TXK: variants seen among roughly 807,000 people sequenced by gnomAD.
TXK encodes tyrosine-protein kinase TXK.
TXK carries 60 observed loss-of-function variants against 81.0 expected under a neutral mutation model. That is an observed-to-expected ratio of 0.74 (90% CI 0.60 to 0.92). The LOEUF (loss-of-function observed/expected upper bound fraction) is 0.92. TXK is among the 40% of genes least tolerant of loss of function. The probability of loss-of-function intolerance (pLI) is 0.00; values close to 1 mark genes in which losing one functional copy is unlikely to be tolerated. For missense variants in TXK, 581 were observed against 638.3 expected (o/e 0.91, Z 0.97); for synonymous variants, 203 against 210.7 (o/e 0.96, Z 0.32).
intron 12 of TXK, among the ~76,000 whole-genome samples, chr4:48,075,868 G>A (rs1265420485): frequency 6.6e-6 from 1 of 152,008 alleles, no homozygotes. Context: ...GGAAGCTAGA[G>A]AGAAACCCCA....
At chr4:48,118,987 C>T (rs991012452) in intron 1 of TXK, among the ~76,000 whole-genome samples, 5 of 152,180 alleles carry the variant, frequency 3.3e-5, no homozygotes, top group Admixed American at 6.5e-5. Context: ...AGTACTGGAA[C>T]TGTCACCATC....
intron 4 of TXK, among the ~76,000 whole-genome samples, chr4:48,111,077 C>T (rs950993803): frequency 4.6e-5 from 7 of 152,134 alleles, no homozygotes; most frequent in East Asian, 1.9e-4. Context: ...ATAGCAAAGA[C>T]GGGAATTGCT....
At chr4:48,107,481 G>A (rs946679931) in intron 5 of TXK, among the ~76,000 whole-genome samples, 1 of 150,778 alleles carries the variant, frequency 6.6e-6, no homozygotes, top group African/African-American at 2.4e-5. Flanking sequence ...TACATCCCCT[G>A]CCCTGTTTTC....
chr4:48,067,882 G>A (rs1716672630), intron 14 of TXK, among the ~76,000 whole-genome samples, 177 bp from the exon 15 acceptor site: 1 of 152,152 alleles, frequency 6.6e-6, no homozygotes, highest in African/African-American at 2.4e-5. Flanking sequence ...GCATAAATAG[G>A]CTAAGGATCA....
In TXK at chr4:48,103,783, A is replaced by C. The variant is rs1396751461; in HGVS notation, c.501+1118T>G. Among the ~76,000 whole-genome samples, 7 of 152,212 alleles carry C rather than the reference A, an allele frequency of 4.6e-5. No homozygotes were observed. The East Asian group carries it at 1.3e-3, about 29-fold the overall frequency. On this transcript the variant is annotated intron_variant, in intron 6 of 14. Transcript: ENST00000264316. The stretch of plus-strand genomic sequence containing the variant: ...TCTACTCTTTCCTTTGTTTCCAAAG[A>C]ACAAAGAAACTGCAGCAGCATGTAT...
intron 6 of TXK, among the ~76,000 whole-genome samples, chr4:48,103,156 C>T (rs962970199): frequency 3.9e-5 from 6 of 152,136 alleles, no homozygotes; most frequent in African/African-American, 1.2e-4. Context: ...AGACCCTTGC[C>T]TTGTCTGGCT....
In TXK at chr4:48,079,902, C is replaced by T; in HGVS notation, c.1173+10G>A. ...TACAAAAAAAAAAAGTAAATTTGCA[C>T]CATACTTACCAAATCCCTATGAATA... On this transcript the variant is annotated intron_variant, in intron 11 of 14. Transcript: ENST00000264316. 3.7e-6 allele frequency: 6 copies of T among 1,602,460 alleles called. No individual in the cohort carries two copies. The highest frequency in any genetic ancestry group is 1.3e-5 in the African/African-American group (1 of 74,670).
At chr4:48,108,057 C>T (rs532045523) in intron 5 of TXK, among the ~76,000 whole-genome samples, 9 of 151,818 alleles carry the variant, frequency 5.9e-5, no homozygotes, top group South Asian at 2.1e-4. Flanking sequence ...GGTGACAGAG[C>T]GAGACTCTGT....
At position 48,094,414 on chromosome 4, in the gene TXK, C is replaced by A. The variant is rs541239306; in HGVS notation, c.582-210G>T. 3.9e-5 allele frequency among the ~76,000 whole-genome samples: 6 copies of A among 152,212 alleles called. 1 individual carries two copies. In the East Asian group the frequency reaches 7.7e-4, roughly 20 times the overall value. On this transcript the variant is annotated intron_variant, in intron 7 of 14. Coordinates refer to ENST00000264316, the MANE Select transcript of TXK (RefSeq NM_003328.3). ...CCTTAGATTCAAACATAACTTCAGC[C>A]AAAGTTGTCTGAGTGACAAGACCAG... is the stretch of plus-strand genomic sequence containing the variant.
At chr4:48,077,153 A>G (rs1212320203) in intron 11 of TXK, among the ~76,000 whole-genome samples, 1 of 152,232 alleles carries the variant, frequency 6.6e-6, no homozygotes, top group African/African-American at 2.4e-5. Flanking sequence ...TTTCATATTA[A>G]AATTATCACA....
At chr4:48,087,185 G>C (rs541177830) in intron 9 of TXK, among the ~76,000 whole-genome samples, 81 of 152,104 alleles carry the variant, frequency 5.3e-4, no homozygotes, top group Non-Finnish European at 1.1e-3. Flanking sequence ...TATAGCTGAA[G>C]TGAAATTTTT....
chr4:48,072,681 C>A (rs1450927421), intron 13 of TXK, among the ~76,000 whole-genome samples: 1 of 152,208 alleles, frequency 6.6e-6, no homozygotes, highest in Non-Finnish European at 1.5e-5. Flanking sequence ...TGAGATCAAT[C>A]CATGTGCCTA....
At chr4:48,076,186 GAGA>G (rs1413696593) in intron 12 of TXK, among the ~76,000 whole-genome samples, 2 of 152,096 alleles carry the variant, frequency 1.3e-5, no homozygotes, top group Non-Finnish European at 2.9e-5. Context: ...GCTAAAAGAT[GAGA>G]AGAATAGCCC....
chr4:48,120,468 T>C (rs1206945314), intron 1 of TXK, among the ~76,000 whole-genome samples: 1 of 151,790 alleles, frequency 6.6e-6, no homozygotes, highest in Admixed American at 6.6e-5. Flanking sequence ...TCTCTATTTA[T>C]TGTAAAATCC....
chr4:48,076,845 T>C (rs1179767980), intron 11 of TXK, among the ~76,000 whole-genome samples: 3 of 152,148 alleles, frequency 2.0e-5, no homozygotes, highest in African/African-American at 7.2e-5. Context: ...CCCACGCTGG[T>C]CTTGAACTCC....
intron 1 of TXK, among the ~76,000 whole-genome samples, chr4:48,131,376 G>A (rs1314980463): frequency 6.6e-6 from 1 of 151,202 alleles, no homozygotes; most frequent in Non-Finnish European, 1.5e-5. Context: ...CTGGAGTGGA[G>A]TGGTGCAGTC....
intron 11 of TXK, 81 bp from the exon 12 acceptor site, chr4:48,076,547 T>C: frequency 8.4e-7 from 1 of 1,190,250 alleles, no homozygotes; most frequent in Non-Finnish European, 1.2e-6. Flanking sequence ...CTTAGGTTAT[T>C]TGGACCCCAC....
chr4:48,124,508 ACTG>A (rs1159275375), intron 1 of TXK, among the ~76,000 whole-genome samples: 1 of 150,210 alleles, frequency 6.7e-6, no homozygotes, highest in Non-Finnish European at 1.5e-5. Flanking sequence ...TCAATAAATA[ACTG>A]TTAAATAAGA....
At chr4:48,132,249 A>G (rs1719264726) in intron 1 of TXK, among the ~76,000 whole-genome samples, 1 of 152,134 alleles carries the variant, frequency 6.6e-6, no homozygotes, top group South Asian at 2.1e-4. Context: ...TTCCATCGTC[A>G]CCTAGTATTA....
Sources: gnomAD v4.1 joint callset for allele counts (sites outside exome capture counted in the v4.1 genomes callset) on GRCh38, gnomAD v4.1.1 for gene constraint, MANE v1.5 for transcripts, NCBI Gene and HGNC (gene_info 2026-07-23, HGNC 2026-07-21) for gene names.